The following THRAP3 variants were observed in gnomAD, a reference collection of about 807,000 sequenced individuals.
THRAP3 encodes thyroid hormone receptor-associated protein 3.
In THRAP3, 16 loss-of-function variants were observed where a neutral mutation model predicts 101.0. That is an observed-to-expected ratio of 0.16 (90% CI 0.11 to 0.24). THRAP3 has a LOEUF of 0.24. Among genes scored for constraint, THRAP3 ranks in the 10% least tolerant of loss-of-function variants. The pLI, the probability that THRAP3 is intolerant of heterozygous loss-of-function variation, is 1.00. For missense variants in THRAP3, 989 were observed against 1,202.7 expected (o/e 0.82, Z 2.63); for synonymous variants, 407 against 422.6 (o/e 0.96, Z 0.45).
At chr1:36,292,963 G>A (rs1490233933) in intron 7 of THRAP3, among the ~76,000 whole-genome samples, 1 of 151,520 alleles carries the variant, frequency 6.6e-6, no homozygotes, top group African/African-American at 2.4e-5. Flanking sequence ...TTGGAAGCTG[G>A]CAAATGTTGC....
chr1:36,213,941 AAG>A, the THRAP3 span, among the ~76,000 whole-genome samples: 14 of 128,542 alleles, frequency 1.1e-4, no homozygotes, highest in South Asian at 2.2e-4. Context: ...GAAAGAAAGA[AAG>A]AAAGAAAGAA....
intron 1 of THRAP3, among the ~76,000 whole-genome samples, chr1:36,229,423 G>GTTTTTT (rs35936037): frequency 2.6e-5 from 1 of 38,942 alleles, no homozygotes; most frequent in Non-Finnish European, 5.9e-5. Flanking sequence ...TTTTTTTTTT[G>GTTTTTT]TTTTTTTTTT....
the THRAP3 span, among the ~76,000 whole-genome samples, chr1:36,213,901 G>A: frequency 3.1e-5 from 4 of 130,174 alleles, no homozygotes; most frequent in Middle Eastern, 7.5e-3. Context: ...AAGAAAGAAA[G>A]AAGGAAAGAG....
intron 11 of THRAP3, among the ~76,000 whole-genome samples, chr1:36,303,513 A>T (rs966446819): frequency 1.6e-4 from 24 of 152,140 alleles, no homozygotes; most frequent in Non-Finnish European, 2.4e-4. Context: ...TTTTCTTTAA[A>T]CTATTAAGGG....
chr1:36,252,259 G>A (rs897148163), intron 1 of THRAP3, among the ~76,000 whole-genome samples: 1 of 152,170 alleles, frequency 6.6e-6, no homozygotes, highest in African/African-American at 2.4e-5. Flanking sequence ...CCAAGCAACT[G>A]GAATTATAGG....
Position 36,293,920 on chromosome 1 carries a change from G to A in THRAP3, c.2100G>A (p.Arg700=). 1 of 1,613,588 alleles carries A rather than the reference G, an allele frequency of 6.2e-7. No individual in the cohort carries two copies. The highest frequency in any genetic ancestry group is 8.5e-7 in the Non-Finnish European group (1 of 1,179,626). ...GLAHDEMKSP[R]EPGYKAEGKY... ...CTCATGATGAAATGAAAAGTCCCCG[G>A]GAACCTGGCTACAAGGTGAACTGTT... Residue 700 remains arginine, a synonymous_variant, in exon 8 of 12, where the codon CGG becomes CGA. Coordinates refer to ENST00000354618, the MANE Select transcript of THRAP3 (RefSeq NM_005119.4).
chr1:36,264,472 T>C (rs1645486907), intron 2 of THRAP3, among the ~76,000 whole-genome samples: 1 of 152,250 alleles, frequency 6.6e-6, no homozygotes, highest in Non-Finnish European at 1.5e-5. Context: ...CTCTACTTAC[T>C]GCCGAACCTG....
chr1:36,208,719 T>G, the THRAP3 span, among the ~76,000 whole-genome samples: 5 of 152,302 alleles, frequency 3.3e-5, no homozygotes, highest in African/African-American at 1.2e-4. Flanking sequence ...CAGGCTGGTA[T>G]GCAGTGGCAC....
chr1:36,297,147 C>T (rs912101832), intron 9 of THRAP3, among the ~76,000 whole-genome samples: 15 of 152,172 alleles, frequency 9.9e-5, no homozygotes, highest in African/African-American at 3.4e-4. Context: ...AGTAATAACA[C>T]TGTTTAGTCA....
chr1:36,257,773 A>C (rs980398241), intron 1 of THRAP3, among the ~76,000 whole-genome samples: 1 of 152,156 alleles, frequency 6.6e-6, no homozygotes, highest in Non-Finnish European at 1.5e-5. Context: ...AAAATGGGAG[A>C]TTTATGTGTG....
chr1:36,274,625 CTTTTTTTTTTTTTTTT>C (rs573419051), intron 2 of THRAP3, among the ~76,000 whole-genome samples: 3 of 59,288 alleles, frequency 5.1e-5, no homozygotes, highest in Non-Finnish European at 9.0e-5. Context: ...ATTAATTGGG[CTTTTTTTTTTTTTTTT>C]TTTTTTTTGA....
At position 36,289,372 on chromosome 1, in the gene THRAP3, A is replaced by G. The variant is rs1645836156; in HGVS notation, c.1353A>G (p.Lys451=). ...AATCTGAGTTTGATGATGAACCCAA[A>G]TTTATGTCTAAAGTCATAGGTGCAA... ...RKESEFDDEP[K]FMSKVIGANK... Residue 451 remains lysine, a synonymous_variant, in exon 5 of 12, where the codon AAA becomes AAG. Transcript: ENST00000354618. 1.2e-6 allele frequency: 2 copies of G among 1,614,062 alleles called. No homozygotes were observed. The highest frequency in any genetic ancestry group is 1.7e-6 in the Non-Finnish European group (2 of 1,180,050).
the THRAP3 span, among the ~76,000 whole-genome samples, chr1:36,209,499 T>C: frequency 6.6e-6 from 1 of 152,176 alleles, no homozygotes; most frequent in African/African-American, 2.4e-5. Flanking sequence ...CAACCACAAA[T>C]GTCTCCAGAC....
Position 36,301,603 on chromosome 1 carries a change from C to T in THRAP3, c.2553C>T (p.Asn851=), listed in dbSNP as rs74374100. The T allele has an allele frequency of 6.2e-7, 1 of 1,614,100 alleles. No individual in the cohort carries two copies. Among genetic ancestry groups the T allele is most frequent in the Non-Finnish European group, 8.5e-7 (1 of 1,180,014 alleles). Residue 851 remains asparagine, a synonymous_variant, in exon 11 of 12, where the codon AAC becomes AAT. Transcript: ENST00000354618. The part of the protein sequence containing the change: ...RGWGRGNYSG[N]NNNNSNNDFQ... ...GGGGCAGAGGCAACTACTCTGGGAA[C>T]AATAACAACAACAGCAACAACGATT...
rs1237316923 is a variant in THRAP3, at chr1:36,287,215, G to A, written c.985G>A (p.Gly329Ser). The part of the protein sequence containing the change: ...KSPPSTGSTY[G>S]SSQKEESAAS... ...TCCACCATCCACTGGCTCCACATAT[G>A]GCTCATCTCAGAAGGAGGAGAGTGC... The change falls in exon 4 of 12, where the codon GGC (glycine) becomes AGC (serine). Residue 329 changes from glycine to serine, a missense_variant. Transcript: ENST00000354618. 6.2e-7 allele frequency: 1 copy of A among 1,614,050 alleles called. No homozygotes were observed. Among genetic ancestry groups the A allele is most frequent in the Admixed American group, 1.7e-5 (1 of 60,014 alleles).
intron 2 of THRAP3, among the ~76,000 whole-genome samples, chr1:36,262,169 T>C (rs534809426): frequency 9.2e-5 from 14 of 152,316 alleles, no homozygotes; most frequent in Admixed American, 6.5e-4. Context: ...ATAAGTGATA[T>C]AAAGAATGGT....
chr1:36,211,668 A>T, the THRAP3 span, among the ~76,000 whole-genome samples: 1 of 152,226 alleles, frequency 6.6e-6, no homozygotes, highest in Non-Finnish European at 1.5e-5. Context: ...TTTTCTGCTC[A>T]AGCTCAGCAA....
chr1:36,296,533 T>G (rs1166437869), intron 8 of THRAP3, 50 bp from the exon 9 acceptor site: 8 of 1,459,086 alleles, frequency 5.5e-6, no homozygotes, highest in Non-Finnish European at 7.3e-6. Flanking sequence ...GATGGTTGAG[T>G]TGACAGCTCT....
At chr1:36,214,683 C>T in the THRAP3 span, among the ~76,000 whole-genome samples, 1 of 151,730 alleles carries the variant, frequency 6.6e-6, no homozygotes, top group Non-Finnish European at 1.5e-5. Flanking sequence ...ACATGGTGAA[C>T]TCCATCCTAC....
Sources: allele counts gnomAD v4.1 joint callset (sites outside exome capture counted in the v4.1 genomes callset), GRCh38; gene constraint gnomAD v4.1.1; transcripts MANE v1.5; gene names NCBI Gene and HGNC (gene_info 2026-07-23, HGNC 2026-07-21).